TRPM2: variants seen among roughly 807,000 people sequenced by gnomAD.
TRPM2 encodes the protein estrogen-responsive element-associated gene 1 protein.
A neutral mutation model predicts 174.0 loss-of-function variants in TRPM2; 161 were observed. The observed-to-expected ratio is 0.93, with a 90% CI of 0.81 to 1.05. TRPM2 has a LOEUF of 1.05. Among genes scored for constraint, TRPM2 ranks in the 50% least tolerant of loss-of-function variants. The probability of loss-of-function intolerance (pLI) is 0.00; values close to 1 mark genes in which losing one functional copy is unlikely to be tolerated. For missense variants in TRPM2, 2,057 were observed against 2,038.0 expected (o/e 1.01, Z -0.18); for synonymous variants, 954 against 861.3 (o/e 1.11, Z -1.88).
In TRPM2 at chr21:44,376,483, AG is replaced by A. The variant is rs1352328042; in HGVS notation, c.952+473del. 1.3e-5 allele frequency among the ~76,000 whole-genome samples: 2 copies of A among 152,092 alleles called. No homozygotes were observed. Among genetic ancestry groups the A allele is most frequent in the Non-Finnish European group, 2.9e-5 (2 of 68,016 alleles). Reference sequence around the variant, plus strand: ...CTGTAGCCTCGAACTTCTGGGCTCAAGGGATCCTCCCATCACCCTCCCAAAG... The same window carrying A: ...CTGTAGCCTCGAACTTCTGGGCTCAAGGATCCTCCCATCACCCTCCCAAAG... On this transcript the variant is annotated intron_variant, in intron 6 of 31. Transcript: ENST00000397928. This position sits in a 1 kb window ranked among gnomAD's most constrained non-coding sequence, Gnocchi z 4.2.
chr21:44,350,907 C>T (rs2122921730), upstream of TRPM2, among the ~76,000 whole-genome samples: 18 of 151,932 alleles, frequency 1.2e-4, no homozygotes, highest in Non-Finnish European at 1.3e-4. Context: ...GGACAGCAGG[C>T]CCCGCTTCTG....
chr21:44,372,806 C>T (rs2048577733), intron 5 of TRPM2, among the ~76,000 whole-genome samples: 1 of 152,174 alleles, frequency 6.6e-6, no homozygotes, highest in African/African-American at 2.4e-5. Flanking sequence ...CGGGGAGACC[C>T]CTCTGTGGCT....
At chr21:44,352,635 GGA>G (rs1472862775), upstream of TRPM2, among the ~76,000 whole-genome samples, 1 of 152,166 alleles carries the variant, frequency 6.6e-6, no homozygotes, top group Non-Finnish European at 1.5e-5. Flanking sequence ...GGATGACCAT[GGA>G]TGACCTCATG....
chr21:44,379,068 C>T lies in TRPM2; in HGVS notation c.1086C>T (p.Val362=). Residue 362 remains valine, a synonymous_variant, in exon 8 of 32, where the codon GTC becomes GTT. Coordinates refer to ENST00000397928, the MANE Select transcript of TRPM2 (RefSeq NM_003307.4). Reference sequence around the variant, plus strand: ...AGGGCTCGGGCCGCGTGGCCGACGTCATTGCCCAGGTGGCCAACCTGCCTG... The same window carrying T: ...AGGGCTCGGGCCGCGTGGCCGACGTTATTGCCCAGGTGGCCAACCTGCCTG... ...VVEGSGRVAD[V]IAQVANLPVS... 6.2e-7 allele frequency: 1 copy of T among 1,612,686 alleles called. No individual in the cohort carries two copies. The highest frequency in any genetic ancestry group is 8.5e-7 in the Non-Finnish European group (1 of 1,179,998).
rs201694683 is a variant in TRPM2, at chr21:44,391,463, C to T, written c.1632C>T (p.Pro544=). The T allele has an allele frequency of 1.6e-5, 26 of 1,612,652 alleles. No homozygotes were observed. Among genetic ancestry groups the T allele is most frequent in the Admixed American group, 8.3e-5 (5 of 60,014 alleles). Residue 544 remains proline, a synonymous_variant, in exon 11 of 32, where the codon CCC becomes CCT. Coordinates refer to ENST00000397928, the MANE Select transcript of TRPM2 (RefSeq NM_003307.4). The surrounding 1 kb of genome is among the most constrained non-coding windows in gnomAD (Gnocchi z 5.0). ...SKLQKVLVED[P]ERPACAPAAP... ...TGCAGAAGGTGCTGGTGGAGGATCC[C>T]GAGCGCCCGGCTTGCGCGCCCGCGG...
intron 24 of TRPM2, chr21:44,425,197 C>T (rs1239967761): frequency 1.9e-6 from 1 of 522,264 alleles, no homozygotes; most frequent in Non-Finnish European, 3.4e-6. Flanking sequence ...GTGCCCTGAG[C>T]TCCCCACATA....
rs779983279 is a variant in TRPM2, at chr21:44,376,037, T to A, written c.952+24T>A. 2.5e-6 allele frequency: 4 copies of A among 1,606,702 alleles called. No individual in the cohort carries two copies. In the African/African-American group the frequency reaches 5.4e-5, roughly 21 times the overall value. On this transcript the variant is annotated intron_variant, in intron 6 of 31. Transcript: ENST00000397928. The surrounding 1 kb of genome is among the most constrained non-coding windows in gnomAD (Gnocchi z 4.2). ...AGGTAGGGGAGCTTGCTTTCGAGGG[T>A]GATTGGGCAGAGAGCACAGTGGGCT...
In TRPM2 at chr21:44,369,346, G is replaced by T. The variant is rs1337861051; in HGVS notation, c.771+3G>T. On this transcript the variant is annotated splice_donor_region_variant and intron_variant, in intron 5 of 31. Coordinates refer to ENST00000397928, the MANE Select transcript of TRPM2 (RefSeq NM_003307.4). Reference sequence around the variant, plus strand: ...GCGAGGGCCTGATCCATCCCACGGTGAGTGCGGCCCCCTAGGGAGGGGAGC... The same window carrying T: ...GCGAGGGCCTGATCCATCCCACGGTTAGTGCGGCCCCCTAGGGAGGGGAGC... The T allele has an allele frequency of 6.2e-7, 1 of 1,608,672 alleles. No individual in the cohort carries two copies. Among genetic ancestry groups the T allele is most frequent in the Non-Finnish European group, 8.5e-7 (1 of 1,176,636 alleles).
At position 44,405,125 on chromosome 21, in the gene TRPM2, G is replaced by C; in HGVS notation, c.2539-17G>C. Reference sequence around the variant, plus strand: ...GTGACAACCTGTCTGCCTTCCTACCGCCCCTCTTCCCAGTAGCTCTTCTAT... The same window carrying C: ...GTGACAACCTGTCTGCCTTCCTACCCCCCCTCTTCCCAGTAGCTCTTCTAT... On this transcript the variant is annotated splice_polypyrimidine_tract_variant and intron_variant, in intron 16 of 31. Coordinates refer to ENST00000397928, the MANE Select transcript of TRPM2 (RefSeq NM_003307.4). 1 of 1,612,102 alleles carries C rather than the reference G, an allele frequency of 6.2e-7. No individual in the cohort carries two copies.
chr21:44,421,677 A>G (rs2050555938), intron 22 of TRPM2, among the ~76,000 whole-genome samples: 2 of 152,120 alleles, frequency 1.3e-5, no homozygotes, highest in African/African-American at 4.8e-5. Context: ...TAAGGAGGCC[A>G]CAGCAGGAGG....
At chr21:44,380,345 C>T (rs533802530) in intron 8 of TRPM2, among the ~76,000 whole-genome samples, 10 of 152,330 alleles carry the variant, frequency 6.6e-5, no homozygotes, top group Admixed American at 2.6e-4. Flanking sequence ...CGGCTGTGAG[C>T]GGCCGCTCAG....
intron 8 of TRPM2, among the ~76,000 whole-genome samples, chr21:44,381,350 T>G (rs2048873141): frequency 6.6e-6 from 1 of 151,754 alleles, no homozygotes; most frequent in South Asian, 2.1e-4. Context: ...GAGGAGTAAC[T>G]GTAGTAGACA....
chr21:44,392,841 C>CT (rs2049225996), intron 11 of TRPM2, among the ~76,000 whole-genome samples: 1 of 152,134 alleles, frequency 6.6e-6, no homozygotes, highest in African/African-American at 2.4e-5. Flanking sequence ...TTTTTTCCGA[C>CT]AGTCAGGTCA....
chr21:44,355,005 G>A (rs575414968), intron 2 of TRPM2, among the ~76,000 whole-genome samples: 13 of 151,950 alleles, frequency 8.6e-5, no homozygotes, highest in Admixed American at 5.9e-4. Context: ...GGGCACTGTC[G>A]CGCGGCGAGG....
intron 19 of TRPM2, among the ~76,000 whole-genome samples, chr21:44,410,331 ACCACACTGTCTTGGTTG>A (rs1159115953): frequency 1.5e-5 from 1 of 65,034 alleles, no homozygotes; most frequent in Non-Finnish European, 3.6e-5. Context: ...GTAAGTTTTG[ACCACACTGTCTTGGTTG>A]GTGTAGCCTT....
At position 44,435,182 on chromosome 21, in the gene TRPM2, C is replaced by T. The variant is rs773190553; in HGVS notation, c.4026C>T (p.Phe1342=). Residue 1342 remains phenylalanine (F), a synonymous_variant, in exon 28 of 32, where the codon TTC becomes TTT. Coordinates refer to ENST00000397928, the MANE Select transcript of TRPM2 (RefSeq NM_003307.4). ...GLRGRGSLSC[F]GPNHTLYPMV... ...GTGGGCGCGGGAGCCTCAGCTGCTTCGGACCCAACCACACGCTGTACCCCA... is the reference window on the plus strand; with the variant it reads ...GTGGGCGCGGGAGCCTCAGCTGCTTTGGACCCAACCACACGCTGTACCCCA... 3.0e-5 allele frequency: 49 copies of T among 1,613,312 alleles called. No individual in the cohort carries two copies. The highest frequency in any genetic ancestry group is 3.7e-5 in the Non-Finnish European group (44 of 1,179,606).
In TRPM2 at chr21:44,366,138, G is replaced by A. The variant is rs935932497; in HGVS notation, c.424-616G>A. On this transcript the variant is annotated intron_variant, in intron 3 of 31. Transcript: ENST00000397928. This position sits in a 1 kb window ranked among gnomAD's most constrained non-coding sequence, Gnocchi z 6.0. ...GGGAGGGTCTCCTGGAGGACGGGGG[G>A]CCAGAGTGACGACAGAACCTGGGAG... Among the ~76,000 whole-genome samples, 1 of 152,128 alleles carries A rather than the reference G, an allele frequency of 6.6e-6. No homozygotes were observed. The highest frequency in any genetic ancestry group is 2.4e-5 in the African/African-American group (1 of 41,422).
intron 17 of TRPM2, among the ~76,000 whole-genome samples, chr21:44,405,634 T>C (rs1783724742): frequency 6.6e-6 from 1 of 152,098 alleles, no homozygotes; most frequent in Non-Finnish European, 1.5e-5. Context: ...CGCGGCCCCC[T>C]TTCTCGGAGG....
Position 44,391,098 on chromosome 21 carries a change from G to T in TRPM2, c.1440+73G>T. 1 of 1,600,938 alleles carries T rather than the reference G, an allele frequency of 6.2e-7. No individual in the cohort carries two copies. Among genetic ancestry groups the T allele is most frequent in the Admixed American group, 1.7e-5 (1 of 59,526 alleles). On this transcript the variant is annotated intron_variant, in intron 10 of 31. Transcript: ENST00000397928. The surrounding 1 kb of genome is among the most constrained non-coding windows in gnomAD (Gnocchi z 5.0). ...CATTGCACCACTGAAGCAAGGGCAGGCAAAGTTCGCATTGTCTGGATCCCA... is the reference window on the plus strand; with the variant it reads ...CATTGCACCACTGAAGCAAGGGCAGTCAAAGTTCGCATTGTCTGGATCCCA...
Sources: gnomAD v4.1 joint callset for allele counts (sites outside exome capture counted in the v4.1 genomes callset) on GRCh38, gnomAD v4.1.1 for gene constraint, Gnocchi (gnomAD v3.1) non-coding constraint, MANE v1.5 for transcripts, NCBI Gene and HGNC (gene_info 2026-07-23, HGNC 2026-07-21) for gene names.